The following GATAD2B variants were observed in gnomAD, a reference collection of about 807,000 sequenced individuals.
GATAD2B encodes transcriptional repressor p66-beta.
GATAD2B carries 8 observed loss-of-function variants against 64.3 expected under a neutral mutation model. The ratio of observed to expected loss-of-function variants is 0.12; its 90% CI spans 0.07 to 0.22. The LOEUF is 0.22. Among genes scored for constraint, GATAD2B ranks in the 10% least tolerant of loss-of-function variants. GATAD2B has a pLI of 1.00. For synonymous variants in GATAD2B, 281 were observed against 271.3 expected (o/e 1.04, Z -0.35); for missense variants, 453 against 752.0 (o/e 0.60, Z 4.65).
At chr1:153,869,609 T>A (rs756410948) in intron 1 of GATAD2B, among the ~76,000 whole-genome samples, 1 of 152,150 alleles carries the variant, frequency 6.6e-6, no homozygotes, top group Non-Finnish European at 1.5e-5. Flanking sequence ...CATCTTTTTT[T>A]ATCTGCCCTA....
At chr1:153,909,260 C>G (rs1001954025) in intron 1 of GATAD2B, among the ~76,000 whole-genome samples, 1 of 151,884 alleles carries the variant, frequency 6.6e-6, no homozygotes, top group Non-Finnish European at 1.5e-5. Flanking sequence ...GTCGCCCAGG[C>G]TGGAGTACAG....
At chr1:153,839,123 A>G (rs988754087) in intron 1 of GATAD2B, among the ~76,000 whole-genome samples, 4 of 150,956 alleles carry the variant, frequency 2.6e-5, no homozygotes, top group African/African-American at 9.7e-5. Context: ...AAAAAAAAAA[A>G]AAAAAAAAAA....
chr1:153,852,037 T>G (rs546106779), intron 1 of GATAD2B: 2 of 452,408 alleles, frequency 4.4e-6, no homozygotes, highest in African/African-American at 4.0e-5. Context: ...GCAGGGTTAA[T>G]TTCAACATAA....
chr1:153,856,712 T>C (rs749622587), intron 1 of GATAD2B, among the ~76,000 whole-genome samples: 6 of 151,880 alleles, frequency 4.0e-5, no homozygotes, highest in Non-Finnish European at 7.4e-5. Context: ...GAGTTCAAGA[T>C]CTGGGCAACA....
intron 1 of GATAD2B, among the ~76,000 whole-genome samples, chr1:153,843,277 G>A (rs2101903394): frequency 6.6e-6 from 1 of 151,596 alleles, no homozygotes; most frequent in Non-Finnish European, 1.5e-5. Flanking sequence ...TAGGACTACA[G>A]GTGCACACCA....
At chr1:153,875,765 C>T (rs895223392) in intron 1 of GATAD2B, among the ~76,000 whole-genome samples, 3 of 151,668 alleles carry the variant, frequency 2.0e-5, no homozygotes, top group African/African-American at 7.3e-5. Flanking sequence ...ATAAACAAAC[C>T]CAACAGACAG....
chr1:153,862,118 C>CTTT (rs754580519), intron 1 of GATAD2B, among the ~76,000 whole-genome samples: 3,246 of 101,132 alleles, frequency 0.032, 220 homozygotes, highest in Non-Finnish European at 0.049. Flanking sequence ...ACATTATATC[C>CTTT]TTTTTTTTTT....
chr1:153,813,113 G>A (rs972621210), intron 8 of GATAD2B, 137 bp downstream of exon 8: 1 of 671,908 alleles, frequency 1.5e-6, no homozygotes, highest in African/African-American at 1.8e-5. Context: ...ATGGAAATAG[G>A]ACACAATGAT....
At chr1:153,847,435 A>T (rs1170087112) in intron 1 of GATAD2B, among the ~76,000 whole-genome samples, 1 of 152,130 alleles carries the variant, frequency 6.6e-6, no homozygotes, top group Non-Finnish European at 1.5e-5. Flanking sequence ...CCCAGCCTGA[A>T]GCGCACTGGT....
At chr1:153,904,727 A>G (rs1479261856) in intron 1 of GATAD2B, among the ~76,000 whole-genome samples, 2 of 151,152 alleles carry the variant, frequency 1.3e-5, no homozygotes, top group Non-Finnish European at 2.9e-5. Context: ...TTTTTCTCAG[A>G]CAGAGTCTCT....
Position 153,811,832 on chromosome 1 carries a change from C to G in GATAD2B, c.1547G>C (p.Ser516Thr). Residue 516 changes from serine (S) to threonine (T), a missense_variant, in exon 10 of 11, where the codon AGC (serine) becomes ACC (threonine). By Grantham distance (58) the Ser-to-Thr change is moderately conservative. Around this residue, in one of 2 missense-constraint regions of GATAD2B, gnomAD observed 160 missense variants for 334.7 expected, o/e 0.48. Coordinates refer to ENST00000368655, the MANE Select transcript of GATAD2B (RefSeq NM_020699.4). ...TGTGGGTATGCCACGCTGGAGGCTG[C>G]TCTGGGGCTGTGGAGCCTGCAATGA... ...HTLRQAPQPQSSLQRGIPTSA... is the reference protein window; with the variant it reads ...HTLRQAPQPQTSLQRGIPTSA... The G allele has an allele frequency of 6.2e-7, 1 of 1,609,728 alleles. No individual in the cohort carries two copies.
In GATAD2B at chr1:153,823,463, T is replaced by C. The variant is rs1674753791; in HGVS notation, c.336-3728A>G. On this transcript the variant is annotated intron_variant, in intron 2 of 10. Coordinates refer to ENST00000368655, the MANE Select transcript of GATAD2B (RefSeq NM_020699.4). ...ATGGCAAAATAAGATATTTAGGCTA[T>C]TATGACATGGCTATTATGTTAAGAA... 2.0e-5 allele frequency among the ~76,000 whole-genome samples: 3 copies of C among 152,252 alleles called. No homozygotes were observed. In the South Asian group the frequency reaches 6.2e-4, roughly 31 times the overall value.
intron 1 of GATAD2B, among the ~76,000 whole-genome samples, chr1:153,849,861 A>C (rs1426919354): frequency 2.0e-5 from 3 of 152,036 alleles, no homozygotes; most frequent in Non-Finnish European, 2.9e-5. Context: ...TGAACTCCTG[A>C]CCTCAGGTGA....
intron 1 of GATAD2B, among the ~76,000 whole-genome samples, chr1:153,849,079 T>G (rs1675793799): frequency 6.6e-6 from 1 of 152,026 alleles, no homozygotes; most frequent in Admixed American, 6.6e-5. Context: ...CCAAACTCCT[T>G]GAGCTCAAAT....
At chr1:153,896,435 T>C (rs1164719487) in intron 1 of GATAD2B, among the ~76,000 whole-genome samples, 1 of 79,092 alleles carries the variant, frequency 1.3e-5, no homozygotes, top group Non-Finnish European at 3.1e-5. Context: ...AAAATTTTCT[T>C]TTTTTTTTTT....
chr1:153,827,721 G>C, intron 2 of GATAD2B: 1 of 396,338 alleles, frequency 2.5e-6, no homozygotes, highest in Non-Finnish European at 4.5e-6. Flanking sequence ...TTAGAATGAA[G>C]GTATATATTA....
At chr1:153,820,373 T>TA (rs1285445141) in intron 2 of GATAD2B, among the ~76,000 whole-genome samples, 4 of 152,188 alleles carry the variant, frequency 2.6e-5, no homozygotes, top group African/African-American at 9.7e-5. Context: ...ATTTACTAGA[T>TA]AACTCTCATT....
chr1:153,836,569 A>AAAAAAAAAATCAGCC (rs146947256), intron 1 of GATAD2B, among the ~76,000 whole-genome samples: 71,312 of 146,508 alleles, frequency 0.49, 18,197 homozygotes, highest in Middle Eastern at 0.62. Flanking sequence ...TTAAAAAAAA[A>AAAAAAAAAATCAGCC]AGGCATGGTG....
chr1:153,854,337 A>T (rs911022971), intron 1 of GATAD2B, among the ~76,000 whole-genome samples: 2 of 152,136 alleles, frequency 1.3e-5, no homozygotes, highest in African/African-American at 4.8e-5. Flanking sequence ...CGGGAGGTGG[A>T]GCTTGCAGTG....
Sources: gnomAD v4.1 joint callset for allele counts (sites outside exome capture counted in the v4.1 genomes callset) on GRCh38, gnomAD v4.1.1 for gene constraint, gnomAD v4.1.1 regional missense constraint, MANE v1.5 for transcripts, NCBI Gene and HGNC (gene_info 2026-07-23, HGNC 2026-07-21) for gene names.